The following ILRUN variants were observed in gnomAD, a reference collection of about 807,000 sequenced individuals.
ILRUN encodes protein ILRUN.
A neutral mutation model predicts 33.8 loss-of-function variants in ILRUN; 3 were observed. The ratio of observed to expected loss-of-function variants is 0.09; its 90% CI spans 0.04 to 0.23. The LOEUF (loss-of-function observed/expected upper bound fraction) is 0.23, where lower values mean the gene tolerates loss of function less well. ILRUN is among the 10% of genes least tolerant of loss of function. ILRUN has a pLI of 1.00. For synonymous variants in ILRUN, 124 were observed against 138.9 expected, an observed-to-expected ratio of 0.89 and a Z score of 0.75; for missense variants, 210 against 375.1, an observed-to-expected ratio of 0.56 and a Z score of 3.64.
chr6:34,595,870 C>A lies in ILRUN; in HGVS notation c.862-5270G>T, dbSNP rs1396451187. ...CATTATCGGATAACACCATGAGGAC[C>A]CTCCTCTTCCTCATTTCCTGGGTCA... is the stretch of plus-strand genomic sequence containing the variant. On this transcript the variant is annotated intron_variant, in intron 4 of 4. Transcript: ENST00000374023. The A allele has an allele frequency of 5.1e-6, 5 of 985,142 alleles. No homozygotes were observed. In the Admixed American group the frequency reaches 2.5e-4, roughly 48 times the overall value. 61.0% of individuals were successfully genotyped at this position (985,142 alleles called of 1,614,324 possible). A position where few individuals can be genotyped will look rare whatever the true frequency, so the allele number is the denominator to read the frequency against.
At chr6:34,678,466 A>C (rs1346349928) in intron 1 of ILRUN, among the ~76,000 whole-genome samples, 1 of 152,176 alleles carries the variant, frequency 6.6e-6, no homozygotes, top group African/African-American at 2.4e-5. Flanking sequence ...CACTCAGAAA[A>C]TGAGCATAGT....
chr6:34,595,363 CA>C (rs1761379647), intron 4 of ILRUN, among the ~76,000 whole-genome samples: 1 of 152,096 alleles, frequency 6.6e-6, no homozygotes, highest in Non-Finnish European at 1.5e-5. Context: ...AACTGTATGC[CA>C]AAGTACTAAA....
intron 3 of ILRUN, among the ~76,000 whole-genome samples, chr6:34,613,264 C>G (rs1257368836): frequency 1.3e-5 from 2 of 152,080 alleles, no homozygotes; most frequent in East Asian, 3.9e-4. Flanking sequence ...CAAAGCCAAT[C>G]AAACAAATTT....
chr6:34,681,728 C>T lies in ILRUN; in HGVS notation c.158+14718G>A, dbSNP rs1029019487. On this transcript the variant is annotated intron_variant, in intron 1 of 4. Coordinates refer to ENST00000374023, the MANE Select transcript of ILRUN (RefSeq NM_024294.4). ...GACGAGCTTACTACTAGATAGTTTACTTATTAACAAAGCAAAACTAAGTTT... is the reference window on the plus strand; with the variant it reads ...GACGAGCTTACTACTAGATAGTTTATTTATTAACAAAGCAAAACTAAGTTT... 3.9e-5 allele frequency among the ~76,000 whole-genome samples: 6 copies of T among 151,930 alleles called. No homozygotes were observed. The South Asian group carries it at 6.2e-4, about 16-fold the overall frequency.
chr6:34,614,466 TTA>T (rs1761834583), intron 3 of ILRUN, among the ~76,000 whole-genome samples: 1 of 139,156 alleles, frequency 7.2e-6, no homozygotes, highest in South Asian at 2.2e-4. Context: ...AAAATGTATA[TTA>T]TATATTTTTT....
intron 1 of ILRUN, among the ~76,000 whole-genome samples, chr6:34,671,139 G>A (rs1385368758): frequency 6.6e-6 from 1 of 152,122 alleles, no homozygotes; most frequent in Non-Finnish European, 1.5e-5. Flanking sequence ...AGAGGCTGGG[G>A]TCCGGGCGTG....
chr6:34,694,057 G>C (rs1312294657), intron 1 of ILRUN, among the ~76,000 whole-genome samples: 3 of 152,096 alleles, frequency 2.0e-5, no homozygotes, highest in African/African-American at 7.2e-5. Flanking sequence ...CTGGACTCAA[G>C]TGATCCTCCT....
intron 1 of ILRUN, among the ~76,000 whole-genome samples, chr6:34,685,029 T>A (rs926514438): frequency 1.3e-5 from 2 of 152,110 alleles, no homozygotes; most frequent in Non-Finnish European, 2.9e-5. Context: ...GTCCACAAAA[T>A]AGACTGGAAG....
At chr6:34,689,204 C>T (rs142713510) in intron 1 of ILRUN, among the ~76,000 whole-genome samples, 88 of 152,156 alleles carry the variant, frequency 5.8e-4, no homozygotes, top group African/African-American at 2.0e-3. Flanking sequence ...CACAGTACTG[C>T]ACACACGTAA....
intron 1 of ILRUN, among the ~76,000 whole-genome samples, chr6:34,681,527 G>T (rs1447321609): frequency 2.6e-5 from 4 of 152,270 alleles, no homozygotes; most frequent in African/African-American, 9.6e-5. Context: ...ACTTTGGGAG[G>T]CCAAGGCAGG....
chr6:34,696,706 G>C lies in ILRUN; in HGVS notation c.-103C>G. ...GGGGGCCGCTGCTAGCTAGCTTCGC[G>C]ACCCCGCTCCTTTGAGGTAGGCCCC... is the stretch of plus-strand genomic sequence containing the variant. On this transcript the variant is annotated 5_prime_UTR_variant, in exon 1 of 5. Transcript: ENST00000374023. 7.7e-7 allele frequency: 1 copy of C among 1,302,632 alleles called. No homozygotes were observed. 80.7% of individuals were successfully genotyped at this position (1,302,632 alleles called of 1,614,324 possible).
chr6:34,623,155 T>G (rs1762042613), intron 3 of ILRUN, among the ~76,000 whole-genome samples: 1 of 152,074 alleles, frequency 6.6e-6, no homozygotes, highest in Non-Finnish European at 1.5e-5. Context: ...ATTCTAGAGG[T>G]GAATAGTGGT....
intron 3 of ILRUN, among the ~76,000 whole-genome samples, chr6:34,607,112 A>G (rs1384924006): frequency 6.6e-6 from 1 of 152,252 alleles, no homozygotes; most frequent in Non-Finnish European, 1.5e-5. Context: ...AAATTCTAGT[A>G]TAAATTCAGC....
chr6:34,612,095 G>A (rs1036375673), intron 3 of ILRUN, among the ~76,000 whole-genome samples: 4 of 152,152 alleles, frequency 2.6e-5, no homozygotes, highest in Admixed American at 1.3e-4. Flanking sequence ...ATTCTAAAAT[G>A]TCTGGCCTTA....
chr6:34,599,764 C>T (rs1319910614), intron 4 of ILRUN, among the ~76,000 whole-genome samples: 1 of 152,166 alleles, frequency 6.6e-6, no homozygotes, highest in Non-Finnish European at 1.5e-5. Context: ...CACTTGACAC[C>T]TCCATTTAGA....
chr6:34,617,226 C>T, intron 3 of ILRUN: 1 of 428,966 alleles, frequency 2.3e-6, no homozygotes, highest in Admixed American at 2.8e-5. Flanking sequence ...CAGGGTGGAC[C>T]AGATCAACAC....
chr6:34,687,710 T>A (rs9380449), intron 1 of ILRUN, among the ~76,000 whole-genome samples: 33,133 of 116,904 alleles, frequency 0.28, 4,436 homozygotes, highest in African/African-American at 0.44. Context: ...AAAAAAAAAA[T>A]ATATATATAT....
intron 1 of ILRUN, among the ~76,000 whole-genome samples, chr6:34,673,435 TA>T (rs770117920): frequency 6.6e-6 from 1 of 150,940 alleles, no homozygotes; most frequent in African/African-American, 2.4e-5. Flanking sequence ...TTGAGGATAG[TA>T]AAAAAAAAGA....
At position 34,615,260 on chromosome 6, in the gene ILRUN, G is replaced by A. The variant is rs368752743; in HGVS notation, c.512-8356C>T. Among the ~76,000 whole-genome samples the A allele has an allele frequency of 2.8e-4, 43 of 152,216 alleles. No homozygotes were observed. The East Asian group carries it at 6.7e-3, about 24-fold the overall frequency. On this transcript the variant is annotated intron_variant, in intron 3 of 4. Transcript: ENST00000374023. Reference sequence around the variant, plus strand: ...TACAAAACATACACTAAAATACATTGGTACAGTATTAGAAAATCATATTTC... The same window carrying A: ...TACAAAACATACACTAAAATACATTAGTACAGTATTAGAAAATCATATTTC...
Sources: allele counts gnomAD v4.1 joint callset (sites outside exome capture counted in the v4.1 genomes callset), GRCh38; gene constraint gnomAD v4.1.1; transcripts MANE v1.5; gene names NCBI Gene and HGNC (gene_info 2026-07-23, HGNC 2026-07-21).